The following ZNF438 variants were observed in gnomAD, a reference collection of about 807,000 sequenced individuals.
ZNF438 encodes zinc finger protein 438.
In ZNF438, 25 loss-of-function variants were observed where a neutral mutation model predicts 38.0. The ratio of observed to expected loss-of-function variants is 0.66; its 90% CI spans 0.48 to 0.92. ZNF438 has a LOEUF of 0.92. ZNF438 is among the 40% of genes least tolerant of loss of function. ZNF438 has a pLI of 0.00. For synonymous variants in ZNF438, 372 were observed against 364.1 expected, an observed-to-expected ratio of 1.02 and a Z score of -0.25; for missense variants, 1,007 against 999.6, an observed-to-expected ratio of 1.01 and a Z score of -0.10.
chr10:30,874,110 GTGTGTATATATATATA>G (rs1257409414), intron 4 of ZNF438, among the ~76,000 whole-genome samples: 21 of 31,650 alleles, frequency 6.6e-4, no homozygotes, highest in African/African-American at 2.9e-3. Context: ...GGGGGTGTGT[GTGTGTATATATATATA>G]TATATATATA....
At position 30,909,861 on chromosome 10, in the gene ZNF438, C is replaced by G. The variant is rs142083244; in HGVS notation, c.-114-846G>C. Among the ~76,000 whole-genome samples, 32 of 152,342 alleles carry G rather than the reference C, an allele frequency of 2.1e-4. No homozygotes were observed. The South Asian group carries it at 3.9e-3, about 19-fold the overall frequency. ...TATTCTTTCAAGCTGGTATGCCATG[C>G]CTTGTTCCAGTTTTGAAGACCATAT... On this transcript the variant is annotated intron_variant, in intron 2 of 5. Coordinates refer to ENST00000413025, the Ensembl canonical transcript of ZNF438.
intron 1 of ZNF438, among the ~76,000 whole-genome samples, chr10:31,005,447 A>T (rs1337884503): frequency 6.6e-6 from 1 of 152,220 alleles, no homozygotes; most frequent in African/African-American, 2.4e-5. Context: ...ATCTTAAAAA[A>T]AGAAAAGAAA....
chr10:30,998,266 C>T (rs561665539), intron 1 of ZNF438, among the ~76,000 whole-genome samples: 184 of 152,008 alleles, frequency 1.2e-3, no homozygotes, highest in Non-Finnish European at 1.7e-3. Flanking sequence ...ATTGGCTGGG[C>T]GCAGTGGCTC....
intron 1 of ZNF438, among the ~76,000 whole-genome samples, chr10:30,942,840 T>C (rs553744531): frequency 6.6e-6 from 1 of 152,362 alleles, no homozygotes; most frequent in African/African-American, 2.4e-5. Context: ...CCTAAAAGGT[T>C]TATTTTAGAA....
intron 1 of ZNF438, among the ~76,000 whole-genome samples, chr10:30,977,290 T>C (rs1206730987): frequency 6.6e-6 from 1 of 152,246 alleles, no homozygotes; most frequent in Non-Finnish European, 1.5e-5. Flanking sequence ...CATTTTATAT[T>C]AGCGTATAAA....
chr10:30,864,823 G>A (rs1192920622), intron 4 of ZNF438, among the ~76,000 whole-genome samples: 2 of 152,006 alleles, frequency 1.3e-5, no homozygotes, highest in Admixed American at 1.3e-4. Flanking sequence ...TTCTTCCCTC[G>A]AACCCCTAGA....
intron 4 of ZNF438, among the ~76,000 whole-genome samples, chr10:30,873,328 ATATAG>A (rs147918151): frequency 0.014 from 2,093 of 152,318 alleles, 53 homozygotes; most frequent in African/African-American, 0.047. Context: ...AAAATCTGTA[ATATAG>A]TATAACTTAT....
At chr10:30,857,826 G>A (rs2034927665) in intron 4 of ZNF438, 3 of 1,253,356 alleles carry the variant, frequency 2.4e-6, no homozygotes, top group Non-Finnish European at 3.1e-6. Context: ...AAAGAATGAG[G>A]GCTCAATAGC....
intron 1 of ZNF438, among the ~76,000 whole-genome samples, chr10:31,016,486 T>G (rs1235192520): frequency 2.0e-5 from 3 of 152,180 alleles, no homozygotes; most frequent in African/African-American, 7.2e-5. Flanking sequence ...AAAAAAGAAT[T>G]TATTTCTCTC....
chr10:30,909,215 T>A (rs186152854), intron 2 of ZNF438, among the ~76,000 whole-genome samples, 200 bp from the exon 4 acceptor site: 6 of 152,318 alleles, frequency 3.9e-5, no homozygotes, highest in South Asian at 2.1e-4. Context: ...AAGATTTTTT[T>A]AAATATATAC....
intron 1 of ZNF438, among the ~76,000 whole-genome samples, chr10:30,987,652 T>C (rs755666545): frequency 1.3e-5 from 2 of 151,560 alleles, no homozygotes; most frequent in Non-Finnish European, 2.9e-5. Flanking sequence ...ATTAATGCTG[T>C]TATAAAAAGA....
At chr10:30,941,517 T>C (rs765448049) in intron 2 of ZNF438, 58 bp downstream of exon 3, 9 of 152,234 alleles carry the variant, frequency 5.9e-5, no homozygotes, top group Non-Finnish European at 1.3e-4. Flanking sequence ...GTAAACTTAA[T>C]TCTTTGCATT....
At chr10:30,852,304 G>A (rs1171564469) in intron 4 of ZNF438, among the ~76,000 whole-genome samples, 4 of 151,498 alleles carry the variant, frequency 2.6e-5, no homozygotes, top group Non-Finnish European at 5.9e-5. Flanking sequence ...TGCCTCCTGG[G>A]TTCAAGTGAT....
chr10:30,860,979 T>C (rs1461896176), intron 4 of ZNF438, among the ~76,000 whole-genome samples: 2 of 152,174 alleles, frequency 1.3e-5, no homozygotes, highest in Non-Finnish European at 2.9e-5. Context: ...AATAAATTAT[T>C]ATAAGTTTTA....
chr10:30,954,764 A>G lies in ZNF438; in HGVS notation c.-191-13113T>C, dbSNP rs74750472. ...ATACACAGGAAGCCCACAAAGTTTT[A>G]AAAAACATTATATCAGCTTGCACTG... is the stretch of plus-strand genomic sequence containing the variant. On this transcript the variant is annotated intron_variant, in intron 1 of 5. Coordinates refer to ENST00000413025, the Ensembl canonical transcript of ZNF438. Among the ~76,000 whole-genome samples the G allele has an allele frequency of 5.3e-3, 806 of 152,332 alleles. 14 individuals are homozygous for G. The highest frequency in any genetic ancestry group is 0.046 in the East Asian group (239 of 5,188).
chr10:30,865,291 C>T (rs1470077240), intron 4 of ZNF438, among the ~76,000 whole-genome samples: 1 of 152,216 alleles, frequency 6.6e-6, no homozygotes, highest in East Asian at 1.9e-4. Flanking sequence ...TAGCAATGCG[C>T]AATACCCTAC....
chr10:31,004,311 AAAGTAC>A (rs1220725166), intron 1 of ZNF438, among the ~76,000 whole-genome samples: 1 of 152,242 alleles, frequency 6.6e-6, no homozygotes, highest in Non-Finnish European at 1.5e-5. Flanking sequence ...TATTTAACCA[AAAGTAC>A]AAGATGAAAA....
At chr10:30,924,483 T>C (rs183925598) in intron 2 of ZNF438, among the ~76,000 whole-genome samples, 3 of 152,344 alleles carry the variant, frequency 2.0e-5, no homozygotes, top group Non-Finnish European at 4.4e-5. Flanking sequence ...TCTTTGATAC[T>C]TATTTTGAGA....
At chr10:30,875,075 T>A (rs1305630337) in intron 4 of ZNF438, among the ~76,000 whole-genome samples, 2 of 152,138 alleles carry the variant, frequency 1.3e-5, no homozygotes, top group Admixed American at 6.6e-5. Context: ...TCTGTCAAAT[T>A]CCAGGATTGG....
Sources: gnomAD v4.1 joint callset for allele counts (sites outside exome capture counted in the v4.1 genomes callset) on GRCh38, gnomAD v4.1.1 for gene constraint, MANE v1.5 for transcripts, NCBI Gene and HGNC (gene_info 2026-07-23, HGNC 2026-07-21) for gene names.